KCNIP4: variants seen among roughly 807,000 people sequenced by gnomAD.
The protein encoded by KCNIP4 is Kv channel-interacting protein 4.
Under a neutral mutation model 34.0 loss-of-function variants are expected in KCNIP4, and 12 were observed. That is an observed-to-expected ratio of 0.35 (90% CI 0.23 to 0.57). The LOEUF (loss-of-function observed/expected upper bound fraction) is 0.57. Ranked by LOEUF, KCNIP4 falls within the 20% of genes least tolerant of loss-of-function variation. The pLI, the probability that KCNIP4 is intolerant of heterozygous loss-of-function variation, is 0.83. For synonymous variants in KCNIP4, 124 were observed against 102.2 expected (o/e 1.21, Z -1.29); for missense variants, 238 against 311.7 (o/e 0.76, Z 1.78).
At chr4:20,859,567 T>A (rs1343268382) in intron 2 of KCNIP4, among the ~76,000 whole-genome samples, 1 of 152,152 alleles carries the variant, frequency 6.6e-6, no homozygotes, top group Admixed American at 6.6e-5. Flanking sequence ...TTGTCCTAAG[T>A]CTGACTCAAC....
At chr4:21,542,627 A>T (rs964737800) in intron 1 of KCNIP4, among the ~76,000 whole-genome samples, 13 of 151,656 alleles carry the variant, frequency 8.6e-5, no homozygotes, top group Non-Finnish European at 1.3e-4. Context: ...TGATCAAAAT[A>T]AAAAGTGAAA....
chr4:21,073,537 C>A (rs1052368618), intron 1 of KCNIP4, among the ~76,000 whole-genome samples: 1 of 152,092 alleles, frequency 6.6e-6, no homozygotes, highest in Non-Finnish European at 1.5e-5. Flanking sequence ...AGATTTTGGG[C>A]TGAGACAATG....
rs1240357604 is a variant in KCNIP4 at position 21,757,099 on chromosome 4, AAAAG to A, written c.61+191468_61+191471del. Among the ~76,000 whole-genome samples, 47 of 109,900 alleles carry A rather than the reference AAAAG, an allele frequency of 4.3e-4. 1 individual carries two copies. Among genetic ancestry groups the A allele is most frequent in the East Asian group, 2.2e-3 (6 of 2,710 alleles). The allele number at this position is 109,900 out of a possible 152,430, so 72.1% of individuals were successfully genotyped here. On this transcript the variant is annotated intron_variant, in intron 1 of 8. Transcript: ENST00000382152. ...CTGAGCAACAGAGTCCTGTCTCAAAAAAAGAAAGAAAGAAAGAAAGAAAGAAAGA... is the reference window on the plus strand; with the variant it reads ...CTGAGCAACAGAGTCCTGTCTCAAAAAAAGAAAGAAAGAAAGAAAGAAAGA...
chr4:21,872,643 A>T (rs1288431845), intron 1 of KCNIP4, among the ~76,000 whole-genome samples: 2 of 152,196 alleles, frequency 1.3e-5, no homozygotes, highest in Non-Finnish European at 2.9e-5. Context: ...AGGAATAGAT[A>T]ATAGATTCAG....
chr4:20,873,501 C>T (rs1254295148), intron 2 of KCNIP4, among the ~76,000 whole-genome samples: 4 of 152,124 alleles, frequency 2.6e-5, no homozygotes, highest in Non-Finnish European at 1.5e-5. Context: ...TGTTATTTTA[C>T]CACTGAGTTT....
In KCNIP4 at chr4:20,984,526, C is replaced by G. The variant is rs553527776; in HGVS notation, c.62-101817G>C. Among the ~76,000 whole-genome samples the G allele has an allele frequency of 1.1e-3, 169 of 152,258 alleles. 1 individual carries two copies. The highest frequency in any genetic ancestry group is 4.0e-3 in the African/African-American group (165 of 41,554). On this transcript the variant is annotated intron_variant, in intron 1 of 8. Coordinates refer to ENST00000382152, the MANE Select transcript of KCNIP4 (RefSeq NM_025221.6). ...CCTACAGGCCCTTCCTGAAAGCCCC[C>G]GTGGAAGTCTAGAGGCAGCTTTTCC... is the stretch of plus-strand genomic sequence containing the variant.
chr4:21,804,411 A>T (rs1721178054), intron 1 of KCNIP4, among the ~76,000 whole-genome samples: 1 of 152,226 alleles, frequency 6.6e-6, no homozygotes, highest in Non-Finnish European at 1.5e-5. Context: ...TTTGATGAAC[A>T]AACACTGAAT....
chr4:21,233,047 T>A (rs1332267832), intron 1 of KCNIP4, among the ~76,000 whole-genome samples: 1 of 152,032 alleles, frequency 6.6e-6, no homozygotes, highest in Admixed American at 6.6e-5. Flanking sequence ...AGAGGGACAA[T>A]ATGTGCAATA....
At chr4:21,345,282 A>T (rs1365765209) in intron 1 of KCNIP4, among the ~76,000 whole-genome samples, 1 of 152,056 alleles carries the variant, frequency 6.6e-6, no homozygotes, top group East Asian at 1.9e-4. Context: ...ACCTGAGTGA[A>T]CCTGAAAGTG....
intron 1 of KCNIP4, among the ~76,000 whole-genome samples, chr4:20,983,480 T>C (rs1374606946): frequency 6.6e-6 from 1 of 152,056 alleles, no homozygotes; most frequent in Non-Finnish European, 1.5e-5. Flanking sequence ...TAAGGTGTGG[T>C]AACCAACATG....
intron 1 of KCNIP4, among the ~76,000 whole-genome samples, chr4:20,968,184 C>G (rs1734567394): frequency 6.6e-6 from 1 of 152,186 alleles, no homozygotes; most frequent in Non-Finnish European, 1.5e-5. Flanking sequence ...AAATGCTCAT[C>G]ATCACTGGCC....
intron 1 of KCNIP4, among the ~76,000 whole-genome samples, chr4:21,054,792 A>G (rs763202846): frequency 6.6e-6 from 1 of 152,004 alleles, no homozygotes; most frequent in Non-Finnish European, 1.5e-5. Context: ...ATCTAAATAT[A>G]AAATTCAAAA....
chr4:21,759,776 T>C (rs1327858982), intron 1 of KCNIP4, among the ~76,000 whole-genome samples: 1 of 152,094 alleles, frequency 6.6e-6, no homozygotes, highest in African/African-American at 2.4e-5. Context: ...AAAATTCTCA[T>C]GGCCATTATC....
At position 21,032,060 on chromosome 4, in the gene KCNIP4, C is replaced by A. The variant is rs927995929; in HGVS notation, c.62-149351G>T. Among the ~76,000 whole-genome samples, 5 of 152,236 alleles carry A rather than the reference C, an allele frequency of 3.3e-5. No homozygotes were observed. The South Asian group carries it at 8.3e-4, about 25-fold the overall frequency. Reference sequence around the variant, plus strand: ...GCACACAGAGAACAGCCTCGAAGGGCCTCACACCAAGACATGGCAGATGAG... The same window carrying A: ...GCACACAGAGAACAGCCTCGAAGGGACTCACACCAAGACATGGCAGATGAG... On this transcript the variant is annotated intron_variant, in intron 1 of 8. Transcript: ENST00000382152.
chr4:20,982,977 A>C (rs889279886), intron 1 of KCNIP4, among the ~76,000 whole-genome samples: 2 of 152,244 alleles, frequency 1.3e-5, no homozygotes, highest in Non-Finnish European at 2.9e-5. Flanking sequence ...TAGAATTGAT[A>C]TCAAATGATT....
intron 3 of KCNIP4, among the ~76,000 whole-genome samples, chr4:20,811,481 G>A (rs1197674251): frequency 7.3e-6 from 1 of 136,830 alleles, no homozygotes; most frequent in Non-Finnish European, 1.6e-5. Flanking sequence ...GCATTCTGAT[G>A]TGTGTGTGCA....
intron 1 of KCNIP4, among the ~76,000 whole-genome samples, chr4:21,766,974 C>T (rs1718460136): frequency 6.6e-6 from 1 of 152,014 alleles, no homozygotes; most frequent in Admixed American, 6.6e-5. Flanking sequence ...ACAGAAAATG[C>T]ACAAGGAAAC....
intron 1 of KCNIP4, among the ~76,000 whole-genome samples, chr4:21,595,945 T>C (rs1221233980): frequency 6.6e-6 from 1 of 152,066 alleles, no homozygotes; most frequent in African/African-American, 2.4e-5. Flanking sequence ...AGGGGCCACT[T>C]GAAATCTCCT....
chr4:20,842,581 C>CA (rs59134256), intron 3 of KCNIP4, among the ~76,000 whole-genome samples: 1,877 of 69,656 alleles, frequency 0.027, 188 homozygotes, highest in Non-Finnish European at 0.031. Context: ...CTTCTAATGG[C>CA]AAAAAAAAAA....
Sources: gnomAD v4.1 joint callset for allele counts (sites outside exome capture counted in the v4.1 genomes callset) on GRCh38, gnomAD v4.1.1 for gene constraint, MANE v1.5 for transcripts, NCBI Gene and HGNC (gene_info 2026-07-23, HGNC 2026-07-21) for gene names.